The following ANKS1B variants were observed in gnomAD, a reference collection of about 807,000 sequenced individuals.
ANKS1B encodes the protein ankyrin repeat and sterile alpha motif domain-containing protein 1B.
Under a neutral mutation model 148.3 loss-of-function variants are expected in ANKS1B, and 36 were observed. The observed-to-expected ratio is 0.24, with a 90% CI of 0.19 to 0.32. ANKS1B has a LOEUF of 0.32. ANKS1B is among the 10% of genes least tolerant of loss of function. ANKS1B has a pLI of 1.00. For synonymous variants in ANKS1B, 542 were observed against 560.8 expected, an observed-to-expected ratio of 0.97 and a Z score of 0.47; for missense variants, 1,157 against 1,542.6, an observed-to-expected ratio of 0.75 and a Z score of 4.19.
intron 12 of ANKS1B, among the ~76,000 whole-genome samples, chr12:99,351,651 CA>C: frequency 6.6e-6 from 1 of 152,008 alleles, no homozygotes; most frequent in African/African-American, 2.4e-5. Flanking sequence ...AGAAATAATA[CA>C]GATAAAAGAG....
chr12:99,210,029 C>T (rs1429294749), intron 14 of ANKS1B, among the ~76,000 whole-genome samples: 1 of 152,112 alleles, frequency 6.6e-6, no homozygotes, highest in Non-Finnish European at 1.5e-5. Flanking sequence ...ACTCTTAGTC[C>T]CTAAGAGAGA....
intron 12 of ANKS1B, among the ~76,000 whole-genome samples, chr12:99,389,543 T>A (rs994463628): frequency 3.9e-5 from 6 of 152,172 alleles, no homozygotes; most frequent in Admixed American, 3.9e-4. Flanking sequence ...ACTTTAATGA[T>A]CACACATATA....
intron 17 of ANKS1B, among the ~76,000 whole-genome samples, chr12:98,869,710 T>C (rs1354773545): frequency 1.3e-5 from 2 of 151,954 alleles, no homozygotes; most frequent in Non-Finnish European, 2.9e-5. Context: ...TATGTGTGTA[T>C]ATATATGTAT....
At chr12:99,153,044 A>T (rs1192159245) in intron 15 of ANKS1B, among the ~76,000 whole-genome samples, 1 of 152,168 alleles carries the variant, frequency 6.6e-6, no homozygotes, top group Non-Finnish European at 1.5e-5. Context: ...AAAAAAACCA[A>T]CAAATCACTC....
At chr12:99,458,694 C>G (rs2095889273) in intron 10 of ANKS1B, among the ~76,000 whole-genome samples, 1 of 151,460 alleles carries the variant, frequency 6.6e-6, no homozygotes, top group Non-Finnish European at 1.5e-5. Flanking sequence ...ATATATAACC[C>G]TCCTAGATTA....
intron 12 of ANKS1B, among the ~76,000 whole-genome samples, chr12:99,340,711 T>C (rs2089768281): frequency 6.6e-6 from 1 of 151,960 alleles, no homozygotes; most frequent in Non-Finnish European, 1.5e-5. Context: ...AATGACTATA[T>C]TACCAATTAC....
intron 11 of ANKS1B, among the ~76,000 whole-genome samples, chr12:99,426,998 A>G (rs894239979): frequency 6.6e-6 from 1 of 152,156 alleles, no homozygotes; most frequent in African/African-American, 2.4e-5. Context: ...ATTCAACTCT[A>G]TGGTAAATAT....
intron 1 of ANKS1B, among the ~76,000 whole-genome samples, chr12:99,885,324 T>TC (rs2092763891): frequency 2.0e-5 from 3 of 150,998 alleles, no homozygotes; most frequent in Non-Finnish European, 4.4e-5. Flanking sequence ...TTTTTTTTTT[T>TC]TTTTGAGACA....
rs559857174 is a variant in ANKS1B at position 99,451,750 on chromosome 12, A to G, written c.1439-7941T>C. ...TCTTCTGTAAAACAGTGCCTTTCAC[A>G]TAGTGTTACAAAGACAAATGAGGCA... On this transcript the variant is annotated intron_variant, in intron 10 of 26. Transcript: ENST00000683438. Among the ~76,000 whole-genome samples, 12 of 152,092 alleles carry G rather than the reference A, an allele frequency of 7.9e-5. No homozygotes were observed. The East Asian group carries it at 2.3e-3, about 29-fold the overall frequency.
intron 8 of ANKS1B, among the ~76,000 whole-genome samples, chr12:99,674,636 A>G (rs1014986127): frequency 1.3e-5 from 2 of 151,840 alleles, no homozygotes; most frequent in Non-Finnish European, 3.0e-5. Context: ...TCAATAAACT[A>G]TGATGGGAAA....
rs374913334 is a variant in ANKS1B, at chr12:99,410,719, G to A, written c.1576-10908C>T. ...AAAGTTAACAGGAAATTTCTCTGAG[G>A]AGGTAAAGTTGAACAGACACAGGAA... On this transcript the variant is annotated intron_variant, in intron 11 of 26. Transcript: ENST00000683438. Among the ~76,000 whole-genome samples the A allele has an allele frequency of 2.0e-5, 3 of 152,248 alleles. No individual in the cohort carries two copies. In the East Asian group the frequency reaches 5.8e-4, roughly 29 times the overall value.
At chr12:98,762,632 A>G (rs945165944) in intron 25 of ANKS1B, among the ~76,000 whole-genome samples, 2 of 152,218 alleles carry the variant, frequency 1.3e-5, no homozygotes, top group Non-Finnish European at 2.9e-5. Flanking sequence ...GTTACTGCTT[A>G]TCCTTGAAGA....
At chr12:99,695,315 T>C (rs1292039634) in intron 8 of ANKS1B, among the ~76,000 whole-genome samples, 3 of 152,212 alleles carry the variant, frequency 2.0e-5, no homozygotes, top group Non-Finnish European at 2.9e-5. Flanking sequence ...TTTCTTCTAA[T>C]TTAATATTTA....
At chr12:99,616,723 A>AACTTCCT (rs1486728886) in intron 9 of ANKS1B, among the ~76,000 whole-genome samples, 5 of 152,214 alleles carry the variant, frequency 3.3e-5, no homozygotes, top group Non-Finnish European at 7.3e-5. Flanking sequence ...TTCAGGACAT[A>AACTTCCT]GACATGGGCA....
At chr12:99,232,019 G>A (rs539507652) in intron 14 of ANKS1B, among the ~76,000 whole-genome samples, 2 of 152,194 alleles carry the variant, frequency 1.3e-5, no homozygotes, top group Admixed American at 1.3e-4. Flanking sequence ...CTGCTGCGGT[G>A]AGGGACTCTG....
chr12:99,577,906 C>A (rs1171393770), intron 9 of ANKS1B, among the ~76,000 whole-genome samples: 2 of 151,978 alleles, frequency 1.3e-5, no homozygotes, highest in African/African-American at 4.8e-5. Flanking sequence ...AAACCAAAAC[C>A]TGACAGAGAC....
intron 9 of ANKS1B, among the ~76,000 whole-genome samples, chr12:99,529,313 C>T (rs1037996278): frequency 6.6e-6 from 1 of 152,118 alleles, no homozygotes; most frequent in Admixed American, 6.5e-5. Flanking sequence ...AACCCTTGAA[C>T]CATTTATCTT....
intron 1 of ANKS1B, among the ~76,000 whole-genome samples, chr12:99,909,638 CT>C (rs549406589): frequency 9.7e-4 from 148 of 152,120 alleles, no homozygotes; most frequent in Middle Eastern, 3.4e-3. Flanking sequence ...CATATTATAA[CT>C]TTGTAATATA....
chr12:99,870,868 G>A (rs1006096984), intron 1 of ANKS1B, among the ~76,000 whole-genome samples: 1 of 152,122 alleles, frequency 6.6e-6, no homozygotes, highest in African/African-American at 2.4e-5. Flanking sequence ...CCATTCCATA[G>A]GTTGTCTGTT....
Sources: allele counts gnomAD v4.1 joint callset (sites outside exome capture counted in the v4.1 genomes callset), GRCh38; gene constraint gnomAD v4.1.1; transcripts MANE v1.5; gene names NCBI Gene and HGNC (gene_info 2026-07-23, HGNC 2026-07-21).